The following PTPRJ variants were observed in gnomAD, a reference collection of about 807,000 sequenced individuals.
PTPRJ encodes protein tyrosine phosphatase receptor type J, also known as receptor-type tyrosine-protein phosphatase eta.
A neutral mutation model predicts 141.3 loss-of-function variants in PTPRJ; 129 were observed. The ratio of observed to expected loss-of-function variants is 0.91; its 90% CI spans 0.79 to 1.06. The LOEUF (loss-of-function observed/expected upper bound fraction) is 1.06. Ranked by LOEUF, PTPRJ falls within the 50% of genes least tolerant of loss-of-function variation. PTPRJ has a pLI of 0.00. For synonymous variants in PTPRJ, 610 were observed against 640.5 expected (o/e 0.95, Z 0.72); for missense variants, 1,601 against 1,679.7 (o/e 0.95, Z 0.82).
At chr11:48,057,558 C>T (rs1056075108) in intron 1 of PTPRJ, among the ~76,000 whole-genome samples, 2 of 151,950 alleles carry the variant, frequency 1.3e-5, no homozygotes, top group Non-Finnish European at 2.9e-5. Flanking sequence ...TCACGTGGGT[C>T]GAGGCAGGTG....
chr11:48,166,710 T>A (rs1222879471), intron 24 of PTPRJ, among the ~76,000 whole-genome samples: 4 of 152,200 alleles, frequency 2.6e-5, no homozygotes, highest in Non-Finnish European at 5.9e-5. Flanking sequence ...CCTTGTTTCC[T>A]CTTTTCTTCA....
chr11:48,121,876 A>G (rs914905618), intron 4 of PTPRJ, among the ~76,000 whole-genome samples: 2 of 152,118 alleles, frequency 1.3e-5, no homozygotes, highest in African/African-American at 4.8e-5. Context: ...AGAACCAAAA[A>G]TTGAAGAAAG....
At chr11:48,124,914 G>A (rs1856799155) in intron 5 of PTPRJ, 54 bp from the exon 6 acceptor site, 14 of 1,566,916 alleles carry the variant, frequency 8.9e-6, no homozygotes, top group Non-Finnish European at 1.2e-5. Flanking sequence ...AAGGAAAATG[G>A]GGGATGTGTC....
At chr11:48,013,943 G>A (rs1037601800) in intron 1 of PTPRJ, among the ~76,000 whole-genome samples, 3 of 152,146 alleles carry the variant, frequency 2.0e-5, no homozygotes, top group Non-Finnish European at 4.4e-5. Flanking sequence ...CTGAAGTTGG[G>A]CAGAGCAGGT....
intron 1 of PTPRJ, among the ~76,000 whole-genome samples, chr11:48,007,369 A>G (rs545532660): frequency 2.6e-5 from 4 of 151,526 alleles, no homozygotes; most frequent in Non-Finnish European, 5.9e-5. Flanking sequence ...TCGGCCTCCC[A>G]AAGTGCTGGG....
chr11:48,155,875 G>GT lies in PTPRJ; in HGVS notation c.3303+2dup. On this transcript the variant is annotated splice_donor_variant, in intron 20 of 24. Transcript: ENST00000418331. LOFTEE classifies it high-confidence loss of function. ...CTACATCAATGCCAACTACATGCCT[G>GT]TAAGTTGGGGGACGGTCTCACAGCA... 2 of 1,600,454 alleles carry GT rather than the reference G, an allele frequency of 1.2e-6. No individual in the cohort carries two copies. The highest frequency in any genetic ancestry group is 1.7e-6 in the Non-Finnish European group (2 of 1,167,724).
In PTPRJ at chr11:48,131,375, A is replaced by T. The variant is rs1856980663; in HGVS notation, c.1615+659A>T. 15 of 621,768 alleles carry T rather than the reference A, an allele frequency of 2.4e-5. No individual in the cohort carries two copies. In the East Asian group the frequency reaches 4.3e-4, roughly 18 times the overall value. The allele number at this position is 621,768 out of a possible 1,614,324, so 38.5% of individuals were successfully genotyped here. On this transcript the variant is annotated intron_variant, in intron 8 of 24. Coordinates refer to ENST00000418331, the MANE Select transcript of PTPRJ (RefSeq NM_002843.4). ...TTGGATTACAGGTGTGCGCCACTGC[A>T]CCCAGCCCACAAATATATATTTATT...
chr11:47,990,968 C>T (rs761137848), intron 1 of PTPRJ, among the ~76,000 whole-genome samples: 9 of 152,026 alleles, frequency 5.9e-5, no homozygotes, highest in Non-Finnish European at 1.2e-4. Context: ...CATGAGCCAC[C>T]GTGACCGGCG....
Position 48,068,451 on chromosome 11 carries a change from A to T in PTPRJ, c.97-41607A>T, listed in dbSNP as rs372573199. ...GTTTTATAAATGGGAGTTCCCCTGC[A>T]CAAGCCCTCTTGCCTGCCACCATGT... is the stretch of plus-strand genomic sequence containing the variant. On this transcript the variant is annotated intron_variant, in intron 1 of 24. Coordinates refer to ENST00000418331, the MANE Select transcript of PTPRJ (RefSeq NM_002843.4). 2.0e-5 allele frequency among the ~76,000 whole-genome samples: 3 copies of T among 152,310 alleles called. No homozygotes were observed. In the East Asian group the frequency reaches 5.8e-4, roughly 29 times the overall value.
chr11:48,021,539 G>T (rs540764307), intron 1 of PTPRJ, among the ~76,000 whole-genome samples: 11 of 152,232 alleles, frequency 7.2e-5, no homozygotes, highest in African/African-American at 2.6e-4. Context: ...CCAAAAATGG[G>T]TGTGTCCAAA....
intron 1 of PTPRJ, among the ~76,000 whole-genome samples, chr11:48,069,068 G>A (rs1855162324): frequency 6.6e-6 from 1 of 151,782 alleles, no homozygotes; most frequent in Non-Finnish European, 1.5e-5. Flanking sequence ...GGTGACACCA[G>A]TTAAGAATAA....
chr11:48,161,185 A>AAAAAAAAG (rs1375637643), intron 22 of PTPRJ, among the ~76,000 whole-genome samples: 1 of 151,386 alleles, frequency 6.6e-6, no homozygotes, highest in African/African-American at 2.4e-5. Context: ...GGTCTCAAAA[A>AAAAAAAAG]AAAAAAAAAA....
chr11:48,075,300 C>G (rs555230581), intron 1 of PTPRJ, among the ~76,000 whole-genome samples: 3 of 152,042 alleles, frequency 2.0e-5, no homozygotes, highest in Non-Finnish European at 4.4e-5. Context: ...CCCGCTACCA[C>G]GCCCAGCTAA....
intron 1 of PTPRJ, among the ~76,000 whole-genome samples, chr11:48,042,274 C>T (rs903475201): frequency 3.9e-5 from 6 of 152,196 alleles, no homozygotes; most frequent in African/African-American, 1.4e-4. Flanking sequence ...ACTGATGAGG[C>T]TCTGAATAGT....
intron 1 of PTPRJ, among the ~76,000 whole-genome samples, chr11:48,070,538 T>C (rs930448908): frequency 3.3e-5 from 5 of 151,232 alleles, no homozygotes; most frequent in Non-Finnish European, 5.9e-5. Context: ...GGAATTGGGT[T>C]GGGACTCAGT....
rs1438420756 is a variant in PTPRJ at position 48,100,886 on chromosome 11, A to G, written c.97-9172A>G. Among the ~76,000 whole-genome samples, 5 of 149,878 alleles carry G rather than the reference A, an allele frequency of 3.3e-5. No homozygotes were observed. In the East Asian group the frequency reaches 9.7e-4, roughly 29 times the overall value. The stretch of plus-strand genomic sequence containing the variant: ...AACAAGAGCAAAACTCTGTCTCAAA[A>G]AGAAAAAAAAAAAAAAAAAGATCAA... On this transcript the variant is annotated intron_variant, in intron 1 of 24. Coordinates refer to ENST00000418331, the MANE Select transcript of PTPRJ (RefSeq NM_002843.4).
intron 1 of PTPRJ, among the ~76,000 whole-genome samples, chr11:48,019,784 G>A (rs893047707): frequency 3.3e-5 from 5 of 152,210 alleles, no homozygotes; most frequent in African/African-American, 9.7e-5. Context: ...TTCCTAGTCC[G>A]TGTTGTGTAC....
At chr11:48,081,057 C>G (rs902189213) in intron 1 of PTPRJ, among the ~76,000 whole-genome samples, 9 of 152,238 alleles carry the variant, frequency 5.9e-5, no homozygotes, top group Non-Finnish European at 1.3e-4. Context: ...GTGATTGACT[C>G]CTAGGTTTGG....
intron 2 of PTPRJ, among the ~76,000 whole-genome samples, chr11:48,111,684 G>A (rs1856445481): frequency 6.6e-6 from 1 of 152,100 alleles, no homozygotes; most frequent in Non-Finnish European, 1.5e-5. Flanking sequence ...GTAGAATTGC[G>A]GGAAACAGAA....
Sources: allele counts gnomAD v4.1 joint callset (sites outside exome capture counted in the v4.1 genomes callset), GRCh38; gene constraint gnomAD v4.1.1; transcripts MANE v1.5; gene names NCBI Gene and HGNC (gene_info 2026-07-23, HGNC 2026-07-21).